The following ENPP6 variants were observed in gnomAD, a reference collection of about 807,000 sequenced individuals.
ENPP6 encodes the protein glycerophosphocholine cholinephosphodiesterase ENPP6.
In ENPP6, 32 loss-of-function variants were observed where a neutral mutation model predicts 42.0. The ratio of observed to expected loss-of-function variants is 0.76; its 90% CI spans 0.58 to 1.02. The LOEUF (loss-of-function observed/expected upper bound fraction) is 1.02. Ranked by LOEUF, ENPP6 falls within the 50% of genes least tolerant of loss-of-function variation. The probability of loss-of-function intolerance (pLI) is 0.00; values close to 1 mark genes in which losing one functional copy is unlikely to be tolerated. For missense variants in ENPP6, 552 were observed against 566.8 expected, an observed-to-expected ratio of 0.97 and a Z score of 0.27; for synonymous variants, 213 against 216.0, an observed-to-expected ratio of 0.99 and a Z score of 0.12.
At chr4:184,205,727 AG>A (rs5864879) in intron 1 of ENPP6, among the ~76,000 whole-genome samples, 47,965 of 152,042 alleles carry the variant, frequency 0.32, 7,844 homozygotes, top group South Asian at 0.38. Context: ...AGGAGGCTCC[AG>A]GCAGTCAGGG....
chr4:184,203,036 G>C (rs1732930797), intron 1 of ENPP6, among the ~76,000 whole-genome samples: 1 of 151,962 alleles, frequency 6.6e-6, no homozygotes, highest in African/African-American at 2.4e-5. Context: ...CTGAGGTCAG[G>C]AGTTTGAGAC....
intron 6 of ENPP6, among the ~76,000 whole-genome samples, chr4:184,098,376 T>C (rs1056411417): frequency 2.3e-4 from 35 of 152,188 alleles, no homozygotes; most frequent in African/African-American, 6.0e-4. Context: ...TGGAGAATCT[T>C]AGGGAACCAG....
intron 1 of ENPP6, among the ~76,000 whole-genome samples, chr4:184,208,894 C>T (rs558131165): frequency 0.011 from 1,540 of 142,538 alleles, 44 homozygotes; most frequent in African/African-American, 0.022. Context: ...GATCTGAGAA[C>T]GGGCAGACTG....
intron 1 of ENPP6, among the ~76,000 whole-genome samples, chr4:184,214,612 A>G (rs959825107): frequency 2.0e-5 from 3 of 152,260 alleles, no homozygotes; most frequent in Non-Finnish European, 4.4e-5. Flanking sequence ...CTGGATAAAG[A>G]AAATGTGGCA....
rs905390607 is a variant in ENPP6 at position 184,131,771 on chromosome 4, T to C, written c.422-7499A>G. 2.7e-5 allele frequency among the ~76,000 whole-genome samples: 4 copies of C among 149,018 alleles called. No individual in the cohort carries two copies. In the Admixed American group the frequency reaches 2.7e-4, roughly 10 times the overall value. On this transcript the variant is annotated intron_variant, in intron 2 of 7. Transcript: ENST00000296741. ...TTTCAGTGTCTGTGACTATCAAGAG[T>C]CTGTAGAGAAACAAGGACCAATAGA...
chr4:184,140,457 G>A (rs1736800562), intron 2 of ENPP6, among the ~76,000 whole-genome samples: 1 of 151,264 alleles, frequency 6.6e-6, no homozygotes, highest in Non-Finnish European at 1.5e-5. Context: ...AAAGAACAAA[G>A]CTGGAGGCAT....
chr4:184,189,056 G>A (rs1732677666), intron 1 of ENPP6, among the ~76,000 whole-genome samples: 2 of 152,216 alleles, frequency 1.3e-5, no homozygotes, highest in Non-Finnish European at 2.9e-5. Context: ...AGTGCTTTGG[G>A]GCTGCAGCTT....
At chr4:184,188,640 A>C (rs1732672308) in intron 1 of ENPP6, among the ~76,000 whole-genome samples, 1 of 152,174 alleles carries the variant, frequency 6.6e-6, no homozygotes, top group Non-Finnish European at 1.5e-5. Flanking sequence ...ACGATGCCAC[A>C]TTGCTCCAGA....
At chr4:184,097,797 A>G (rs1735937306) in intron 6 of ENPP6, among the ~76,000 whole-genome samples, 2 of 152,194 alleles carry the variant, frequency 1.3e-5, no homozygotes, top group African/African-American at 4.8e-5. Context: ...ATAAGGAGCT[A>G]CTTTCTCCCA....
intron 2 of ENPP6, among the ~76,000 whole-genome samples, chr4:184,136,558 A>T (rs1186742115): frequency 6.6e-6 from 1 of 152,008 alleles, no homozygotes; most frequent in Non-Finnish European, 1.5e-5. Flanking sequence ...TATATTTTCT[A>T]TGGTTGCTGT....
chr4:184,213,661 C>T lies in ENPP6; in HGVS notation c.241+3918G>A, dbSNP rs1486155776. Among the ~76,000 whole-genome samples the T allele has an allele frequency of 2.4e-4, 36 of 149,388 alleles. No homozygotes were observed. In the East Asian group the frequency reaches 6.9e-3, roughly 29 times the overall value. ...TTGGTGGGACTGTAAACTAGTTCAACCATTGTGGAAGTCAGTGTGGCAATT... is the reference window on the plus strand; with the variant it reads ...TTGGTGGGACTGTAAACTAGTTCAATCATTGTGGAAGTCAGTGTGGCAATT... On this transcript the variant is annotated intron_variant, in intron 1 of 7. Transcript: ENST00000296741.
At chr4:184,205,062 C>T (rs901762414) in intron 1 of ENPP6, among the ~76,000 whole-genome samples, 2 of 152,112 alleles carry the variant, frequency 1.3e-5, no homozygotes. Context: ...TCCCAAGTAG[C>T]TGGGATTATG....
Position 184,089,566 on chromosome 4 carries a change from C to T in ENPP6, c.*1611G>A, listed in dbSNP as rs1258535257. The T allele has an allele frequency of 1.3e-5, 2 of 152,488 alleles. No homozygotes were observed. The highest frequency in any genetic ancestry group is 1.3e-4 in the Admixed American group (2 of 15,286). 9.4% of individuals were successfully genotyped at this position (152,488 alleles called of 1,614,324 possible). On this transcript the variant is annotated 3_prime_UTR_variant, in exon 8 of 8. Coordinates refer to ENST00000296741, the MANE Select transcript of ENPP6 (RefSeq NM_153343.4). ...TCAAAGCTCACTGCAGCCTTGACCTCCTGGGCTCAAATGATTCTCCTGCCT... is the reference window on the plus strand; with the variant it reads ...TCAAAGCTCACTGCAGCCTTGACCTTCTGGGCTCAAATGATTCTCCTGCCT...
chr4:184,141,655 G>A (rs1018982694), intron 2 of ENPP6, among the ~76,000 whole-genome samples: 1 of 152,010 alleles, frequency 6.6e-6, no homozygotes, highest in African/African-American at 2.4e-5. Flanking sequence ...CTTCTTGCTG[G>A]GTATTCCCAT....
chr4:184,130,557 C>CA lies in ENPP6; in HGVS notation c.422-6286dup, dbSNP rs200516934. On this transcript the variant is annotated intron_variant, in intron 2 of 7. Transcript: ENST00000296741. Reference sequence around the variant, plus strand: ...TGGGCCACAGAGCGAGACTCCAAATCAAACAAAACAAAACAAAAAAAAAAG... The same window carrying CA: ...TGGGCCACAGAGCGAGACTCCAAATCAAAACAAAACAAAACAAAAAAAAAAG... 2.8e-3 allele frequency among the ~76,000 whole-genome samples: 101 copies of CA among 36,410 alleles called. 34 individuals are homozygous for CA. Among genetic ancestry groups the CA allele is most frequent in the Non-Finnish European group, 5.5e-3 (80 of 14,530 alleles). The allele number at this position is 36,410 out of a possible 152,430, so 23.9% of individuals were successfully genotyped here. A position where few individuals can be genotyped will look rare whatever the true frequency, so the allele number is the denominator to read the frequency against.
chr4:184,162,559 A>AG (rs1560997410), intron 1 of ENPP6, among the ~76,000 whole-genome samples: 27,242 of 121,862 alleles, frequency 0.22, 2,740 homozygotes, highest in Non-Finnish European at 0.28. Context: ...AAGGAAGGAA[A>AG]GAAGGAAGGA....
chr4:184,217,480 A>G (rs1484658492), intron 1 of ENPP6, 99 bp downstream of exon 1: 1 of 1,504,156 alleles, frequency 6.6e-7, no homozygotes, highest in African/African-American at 1.4e-5. Flanking sequence ...GGACTAGAGA[A>G]TCCAGAGCAT....
At chr4:184,195,800 C>T (rs1012615388) in intron 1 of ENPP6, among the ~76,000 whole-genome samples, 1 of 152,198 alleles carries the variant, frequency 6.6e-6, no homozygotes, top group Non-Finnish European at 1.5e-5. Flanking sequence ...CTTATACACC[C>T]AAGTCTGTGA....
At chr4:184,164,593 T>C (rs1478262093) in intron 1 of ENPP6, among the ~76,000 whole-genome samples, 2 of 152,074 alleles carry the variant, frequency 1.3e-5, no homozygotes, top group African/African-American at 4.8e-5. Flanking sequence ...CCAAGGAATT[T>C]TCAGAGGGAG....
Sources: allele counts gnomAD v4.1 joint callset (sites outside exome capture counted in the v4.1 genomes callset), GRCh38; gene constraint gnomAD v4.1.1; transcripts MANE v1.5; gene names NCBI Gene and HGNC (gene_info 2026-07-23, HGNC 2026-07-21).